The following B3GALT1 variants were observed in gnomAD, a reference collection of about 807,000 sequenced individuals.
B3GALT1 encodes the protein beta-1,3-galactosyltransferase 1, also known as UDP-Gal:betaGlcNAc beta 1,3-galactosyltransferase, polypeptide 1.
Under a neutral mutation model 23.2 loss-of-function variants are expected in B3GALT1, and 10 were observed. The observed-to-expected ratio is 0.43, with a 90% CI of 0.27 to 0.73. The LOEUF (loss-of-function observed/expected upper bound fraction) is 0.73. Ranked by LOEUF, B3GALT1 falls within the 30% of genes least tolerant of loss-of-function variation. The pLI is 0.21. For missense variants in B3GALT1, 299 were observed against 405.4 expected, an observed-to-expected ratio of 0.74 and a Z score of 2.25; for synonymous variants, 156 against 141.5, an observed-to-expected ratio of 1.10 and a Z score of -0.73.
chr2:167,333,285 A>T (rs1030441029), intron 1 of B3GALT1, among the ~76,000 whole-genome samples: 1 of 152,234 alleles, frequency 6.6e-6, no homozygotes, highest in Admixed American at 6.5e-5. Context: ...AAAGCCAAGA[A>T]GCTCCCTAGT....
chr2:167,304,657 G>C (rs1574025192), intron 1 of B3GALT1, among the ~76,000 whole-genome samples: 1 of 152,062 alleles, frequency 6.6e-6, no homozygotes. Context: ...AGGAGAGAGA[G>C]AGAGACAGAG....
At chr2:167,358,213 A>G (rs1697445426) in intron 1 of B3GALT1, among the ~76,000 whole-genome samples, 1 of 152,202 alleles carries the variant, frequency 6.6e-6, no homozygotes, top group Admixed American at 6.6e-5. Flanking sequence ...CAAGGCAGAA[A>G]AACCAAGATA....
At chr2:167,498,401 A>G (rs1350005264) in intron 2 of B3GALT1, among the ~76,000 whole-genome samples, 1 of 152,188 alleles carries the variant, frequency 6.6e-6, no homozygotes, top group African/African-American at 2.4e-5. Flanking sequence ...GCAATAAGTA[A>G]TAACTCAGTA....
intron 2 of B3GALT1, among the ~76,000 whole-genome samples, chr2:167,536,295 T>A (rs1683424905): frequency 6.7e-6 from 1 of 149,820 alleles, no homozygotes; most frequent in African/African-American, 2.5e-5. Flanking sequence ...GAACAGGAAA[T>A]AAAGAAAGAA....
chr2:167,371,288 T>G (rs1279447165), intron 1 of B3GALT1, among the ~76,000 whole-genome samples: 1 of 152,170 alleles, frequency 6.6e-6, no homozygotes, highest in Non-Finnish European at 1.5e-5. Context: ...ATAAAACTCT[T>G]TAATCTTTAT....
intron 3 of B3GALT1, among the ~76,000 whole-genome samples, chr2:167,704,903 T>C (rs984226844): frequency 2.0e-5 from 3 of 152,110 alleles, no homozygotes; most frequent in Non-Finnish European, 1.5e-5. Flanking sequence ...TAAAAAGCAT[T>C]GATTTTATCA....
chr2:167,457,502 G>A lies in B3GALT1; in HGVS notation c.-510-32675G>A, dbSNP rs190842723. Among the ~76,000 whole-genome samples the A allele has an allele frequency of 2.1e-3, 325 of 151,906 alleles. 1 individual carries two copies. The highest frequency in any genetic ancestry group is 3.1e-3 in the Non-Finnish European group (208 of 67,970). ...TCAGCTTCTTTACAGAATGGCCATT[G>A]TACTCCTTGTTTTATATTTACAAGC... On this transcript the variant is annotated intron_variant, in intron 1 of 4. Coordinates refer to ENST00000392690, the MANE Select transcript of B3GALT1 (RefSeq NM_020981.4).
intron 2 of B3GALT1, among the ~76,000 whole-genome samples, chr2:167,626,618 T>C (rs1224424979): frequency 6.6e-6 from 1 of 151,402 alleles, no homozygotes; most frequent in Non-Finnish European, 1.5e-5. Context: ...CAGGGAAATA[T>C]ATTTTTCCCT....
intron 1 of B3GALT1, among the ~76,000 whole-genome samples, chr2:167,312,758 A>G (rs1696652263): frequency 6.6e-6 from 1 of 152,112 alleles, no homozygotes; most frequent in African/African-American, 2.4e-5. Context: ...GGGAAAAACT[A>G]TCACTCTTCA....
At chr2:167,572,689 G>T (rs963255426) in intron 2 of B3GALT1, among the ~76,000 whole-genome samples, 2 of 151,674 alleles carry the variant, frequency 1.3e-5, no homozygotes, top group African/African-American at 4.8e-5. Context: ...TCTGGAATTG[G>T]ATCTTTTGTT....
intron 3 of B3GALT1, among the ~76,000 whole-genome samples, chr2:167,649,854 C>T (rs1016572956): frequency 6.6e-6 from 1 of 151,940 alleles, no homozygotes; most frequent in African/African-American, 2.4e-5. Flanking sequence ...TAGATAAGAT[C>T]ATTTCATCAG....
At chr2:167,703,129 A>G (rs1270445758) in intron 3 of B3GALT1, among the ~76,000 whole-genome samples, 1 of 152,242 alleles carries the variant, frequency 6.6e-6, no homozygotes, top group Admixed American at 6.5e-5. Context: ...TCTCCTAAAT[A>G]CTTTCAAATG....
intron 1 of B3GALT1, among the ~76,000 whole-genome samples, chr2:167,467,771 T>G (rs1024203104): frequency 3.9e-5 from 6 of 152,206 alleles, no homozygotes; most frequent in Non-Finnish European, 7.3e-5. Flanking sequence ...TGATACAACC[T>G]ACAAACATAG....
intron 1 of B3GALT1, among the ~76,000 whole-genome samples, chr2:167,365,201 A>T (rs1004097920): frequency 6.6e-6 from 1 of 152,156 alleles, no homozygotes; most frequent in Non-Finnish European, 1.5e-5. Context: ...ACTTGCATTT[A>T]GGCTCTTTGC....
chr2:167,627,164 A>G (rs1015810549), intron 2 of B3GALT1, among the ~76,000 whole-genome samples: 11 of 151,422 alleles, frequency 7.3e-5, no homozygotes, highest in African/African-American at 2.4e-4. Flanking sequence ...ATGTGTGTGT[A>G]TGTGTGTGTC....
chr2:167,749,915 G>A (rs1687708832), intron 3 of B3GALT1, among the ~76,000 whole-genome samples: 1 of 152,176 alleles, frequency 6.6e-6, no homozygotes, highest in African/African-American at 2.4e-5. Flanking sequence ...ATTTGCATTT[G>A]ATAAAAGCAA....
intron 2 of B3GALT1, among the ~76,000 whole-genome samples, chr2:167,641,364 A>C (rs1446975080): frequency 6.6e-6 from 1 of 152,096 alleles, no homozygotes; most frequent in Non-Finnish European, 1.5e-5. Context: ...AAGGCCATCA[A>C]CGTTATCCAT....
intron 3 of B3GALT1, among the ~76,000 whole-genome samples, chr2:167,698,084 G>A (rs938271311): frequency 1.3e-5 from 2 of 152,134 alleles, no homozygotes; most frequent in African/African-American, 4.8e-5. Flanking sequence ...TTATGCCAGC[G>A]CTATGGTTTC....
chr2:167,573,693 C>T (rs899652332), intron 2 of B3GALT1, among the ~76,000 whole-genome samples: 2 of 151,584 alleles, frequency 1.3e-5, no homozygotes, highest in Non-Finnish European at 3.0e-5. Flanking sequence ...AACTATTGTA[C>T]TTAATTTTTC....
Sources: gnomAD v4.1 joint callset for allele counts (sites outside exome capture counted in the v4.1 genomes callset) on GRCh38, gnomAD v4.1.1 for gene constraint, MANE v1.5 for transcripts, NCBI Gene and HGNC (gene_info 2026-07-23, HGNC 2026-07-21) for gene names.